APBA1: variants seen among roughly 807,000 people sequenced by gnomAD.
The protein encoded by APBA1 is amyloid-beta A4 precursor protein-binding family A member 1.
A neutral mutation model predicts 86.6 loss-of-function variants in APBA1; 55 were observed. That is an observed-to-expected ratio of 0.64 (90% CI 0.51 to 0.80). The LOEUF (loss-of-function observed/expected upper bound fraction) is 0.80, where lower values mean the gene tolerates loss of function less well. APBA1 is among the 30% of genes least tolerant of loss of function. The pLI, the probability that APBA1 is intolerant of heterozygous loss-of-function variation, is 0.00. For missense variants in APBA1, 1,090 were observed against 1,183.0 expected, an observed-to-expected ratio of 0.92 and a Z score of 1.15; for synonymous variants, 511 against 493.9, an observed-to-expected ratio of 1.03 and a Z score of -0.46.
chr9:69,640,954 GAGAA>G (rs1229734631), intron 1 of APBA1, among the ~76,000 whole-genome samples: 12 of 81,558 alleles, frequency 1.5e-4, no homozygotes, highest in African/African-American at 3.1e-4. Flanking sequence ...GAGGGAGAAA[GAGAA>G]AGAGAGAGAG....
At chr9:69,456,104 A>G (rs926600679) in intron 8 of APBA1, 143 bp downstream of exon 8, 8 of 936,676 alleles carry the variant, frequency 8.5e-6, no homozygotes, top group Admixed American at 6.1e-5. Flanking sequence ...ACTCAGCCTT[A>G]TATCTCTAGT....
intron 1 of APBA1, among the ~76,000 whole-genome samples, chr9:69,586,679 T>C (rs573783453): frequency 8.7e-4 from 133 of 152,320 alleles, no homozygotes; most frequent in African/African-American, 2.5e-3. Flanking sequence ...GGAGGAACAG[T>C]TGGTGTCTTC....
intron 1 of APBA1, among the ~76,000 whole-genome samples, chr9:69,585,649 C>T (rs1057302637): frequency 4.6e-5 from 7 of 152,222 alleles, no homozygotes; most frequent in Non-Finnish European, 1.0e-4. Flanking sequence ...GTCTAACATA[C>T]AGGGCCCAGT....
intron 10 of APBA1, among the ~76,000 whole-genome samples, chr9:69,442,201 G>A (rs1834835441): frequency 6.6e-6 from 1 of 152,214 alleles, no homozygotes; most frequent in African/African-American, 2.4e-5. Flanking sequence ...CCACATGGAG[G>A]AGAAGGAATG....
chr9:69,602,119 T>G (rs944105623), intron 1 of APBA1, among the ~76,000 whole-genome samples: 1 of 152,248 alleles, frequency 6.6e-6, no homozygotes, highest in Non-Finnish European at 1.5e-5. Context: ...TCTTTTTTCA[T>G]GTATTCTCTT....
intron 10 of APBA1, among the ~76,000 whole-genome samples, chr9:69,449,023 T>C (rs1277233585): frequency 6.6e-6 from 1 of 152,242 alleles, no homozygotes; most frequent in Non-Finnish European, 1.5e-5. Context: ...TGCTCAGGTA[T>C]GAAAAAGCTT....
Position 69,432,517 on chromosome 9 carries a change from A to AG in APBA1, c.2442+18dup, listed in dbSNP as rs1834620449. On this transcript the variant is annotated intron_variant, in intron 12 of 12. Coordinates refer to ENST00000265381, the MANE Select transcript of APBA1 (RefSeq NM_001163.4). ...AGACGCGGCCCTCAGCACCACCCTCAGCCCCGGACCTCTCCTACCTCCCCA... is the reference window on the plus strand; with the variant it reads ...AGACGCGGCCCTCAGCACCACCCTCAGGCCCCGGACCTCTCCTACCTCCCCA... 1 of 1,502,514 alleles carries AG rather than the reference A, an allele frequency of 6.7e-7. No homozygotes were observed. The highest frequency in any genetic ancestry group is 1.4e-5 in the African/African-American group (1 of 71,128). 93.1% of individuals were successfully genotyped at this position (1,502,514 alleles called of 1,614,324 possible). A position where few individuals can be genotyped will look rare whatever the true frequency, so the allele number is the denominator to read the frequency against.
intron 1 of APBA1, among the ~76,000 whole-genome samples, chr9:69,530,333 C>T (rs868025192): frequency 0.035 from 4,513 of 127,252 alleles, 81 homozygotes; most frequent in African/African-American, 0.048. Context: ...TATATATACA[C>T]ACACACACAC....
At chr9:69,602,598 A>G (rs555077352) in intron 1 of APBA1, among the ~76,000 whole-genome samples, 7 of 151,982 alleles carry the variant, frequency 4.6e-5, no homozygotes, top group South Asian at 2.1e-4. Context: ...AGAAGAAGAA[A>G]AAAGAAATCA....
At chr9:69,552,247 T>A (rs554808252) in intron 1 of APBA1, among the ~76,000 whole-genome samples, 4 of 152,350 alleles carry the variant, frequency 2.6e-5, no homozygotes, top group Non-Finnish European at 4.4e-5. Flanking sequence ...ACAAGTTGGG[T>A]GATTATTACA....
At chr9:69,581,015 T>C (rs1821904665) in intron 1 of APBA1, among the ~76,000 whole-genome samples, 1 of 152,162 alleles carries the variant, frequency 6.6e-6, no homozygotes, top group Admixed American at 6.5e-5. Context: ...TAGCCAGTCA[T>C]TTCCTGAGCA....
chr9:69,453,912 C>T (rs770251855), intron 8 of APBA1, among the ~76,000 whole-genome samples: 16 of 152,320 alleles, frequency 1.1e-4, no homozygotes, highest in Non-Finnish European at 1.9e-4. Context: ...GTATTAGTGT[C>T]CCCACTGGGT....
At position 69,640,139 on chromosome 9, in the gene APBA1, T is replaced by C. The variant is rs1369905998; in HGVS notation, c.-70+32014A>G. Among the ~76,000 whole-genome samples the C allele has an allele frequency of 3.9e-5, 6 of 152,136 alleles. 1 individual carries two copies. In the South Asian group the frequency reaches 1.2e-3, roughly 32 times the overall value. ...TAATAAAATAAGCGTTATCCAGGTG[T>C]AATGCCCATCTATTTTGCATATGTA... On this transcript the variant is annotated intron_variant, in intron 1 of 12. Transcript: ENST00000265381.
At chr9:69,565,308 T>A (rs1035653383) in intron 1 of APBA1, among the ~76,000 whole-genome samples, 1 of 152,106 alleles carries the variant, frequency 6.6e-6, no homozygotes, top group Admixed American at 6.5e-5. Context: ...AGCCTCCACA[T>A]GCCACAGCCA....
intron 1 of APBA1, among the ~76,000 whole-genome samples, chr9:69,526,953 T>C (rs551828924): frequency 1.3e-5 from 2 of 152,198 alleles, no homozygotes; most frequent in South Asian, 2.1e-4. Context: ...TGGAGGCCAT[T>C]GTCCTAAGCA....
At chr9:69,464,071 G>GCCCT (rs1375621012) in intron 5 of APBA1, 1 of 152,708 alleles carries the variant, frequency 6.5e-6, no homozygotes, top group African/African-American at 2.4e-5. Context: ...GGCACCTGGT[G>GCCCT]CAAGCTCCTT....
chr9:69,513,524 C>A (rs1381939928), intron 2 of APBA1, among the ~76,000 whole-genome samples: 1 of 152,220 alleles, frequency 6.6e-6, no homozygotes, highest in Non-Finnish European at 1.5e-5. Context: ...ATTTCCACCT[C>A]ATTTGCAAAA....
At chr9:69,452,049 G>T in intron 9 of APBA1, 73 bp downstream of exon 9, 1 of 1,420,112 alleles carries the variant, frequency 7.0e-7, no homozygotes, top group Non-Finnish European at 9.8e-7. Flanking sequence ...TCACTTCCGC[G>T]GCAGGGTGCC....
At chr9:69,484,888 T>G (rs1464936105) in intron 2 of APBA1, among the ~76,000 whole-genome samples, 1 of 152,144 alleles carries the variant, frequency 6.6e-6, no homozygotes, top group Non-Finnish European at 1.5e-5. Context: ...GCTTTCTTCA[T>G]TTTTCAGTGG....
Sources: allele counts gnomAD v4.1 joint callset (sites outside exome capture counted in the v4.1 genomes callset), GRCh38; gene constraint gnomAD v4.1.1; transcripts MANE v1.5; gene names NCBI Gene and HGNC (gene_info 2026-07-23, HGNC 2026-07-21).